MYO10: variants seen among roughly 807,000 people sequenced by gnomAD.
MYO10 encodes myosin X.
In MYO10, 133 loss-of-function variants were observed where a neutral mutation model predicts 257.3. The ratio of observed to expected loss-of-function variants is 0.52; its 90% CI spans 0.45 to 0.60. The LOEUF is 0.60. MYO10 is among the 20% of genes least tolerant of loss of function. The pLI, the probability that MYO10 is intolerant of heterozygous loss-of-function variation, is 0.00. For synonymous variants in MYO10, 1,104 were observed against 1,028.6 expected, an observed-to-expected ratio of 1.07 and a Z score of -1.40; for missense variants, 2,399 against 2,635.7, an observed-to-expected ratio of 0.91 and a Z score of 1.97.
chr5:16,836,372 C>G (rs1215345596), intron 2 of MYO10, among the ~76,000 whole-genome samples: 1 of 152,204 alleles, frequency 6.6e-6, no homozygotes, highest in African/African-American at 2.4e-5. Context: ...AATTTAACCC[C>G]TATTCCTACT....
In MYO10 at chr5:16,673,789, C is replaced by T; in HGVS notation, c.5065G>A (p.Asp1689Asn). 1 of 1,613,986 alleles carries T rather than the reference C, an allele frequency of 6.2e-7. No individual in the cohort carries two copies. Among genetic ancestry groups the T allele is most frequent in the Non-Finnish European group, 8.5e-7 (1 of 1,179,904 alleles). The stretch of plus-strand genomic sequence containing the variant: ...CTGTGGATCAGAGCTTCTATTTCAT[C>T]TCGGGAAGGCACAAACTCTCGGCAT... ...TKCREFVPSR[D>N]EIEALIHRQE... Residue 1689 changes from aspartate to asparagine, a missense_variant, in exon 36 of 41, where the codon GAT becomes AAT. Physicochemically the swap from Asp to Asn is conservative, Grantham distance 23. Around this residue, in one of 3 missense-constraint regions of MYO10, gnomAD observed 1,820 missense variants for 1,939.4 expected, o/e 0.94. Transcript: ENST00000513610.
chr5:16,721,760 C>CG (rs1739162592), intron 19 of MYO10, among the ~76,000 whole-genome samples: 1 of 152,140 alleles, frequency 6.6e-6, no homozygotes, highest in African/African-American at 2.4e-5. Flanking sequence ...GCGCTTACCT[C>CG]GGACCCACAC....
At chr5:16,923,158 CT>C (rs1435655223) in intron 1 of MYO10, among the ~76,000 whole-genome samples, 2 of 152,270 alleles carry the variant, frequency 1.3e-5, no homozygotes, top group East Asian at 1.9e-4. Flanking sequence ...CTAAATCCCC[CT>C]GGGTCACATC....
intron 1 of MYO10, among the ~76,000 whole-genome samples, chr5:16,925,072 C>G (rs891839814): frequency 2.6e-5 from 4 of 152,052 alleles, no homozygotes; most frequent in African/African-American, 9.7e-5. Context: ...ACCTCGTGAT[C>G]CGCCTGCCTC....
At chr5:16,737,821 A>G (rs1040176877) in intron 19 of MYO10, among the ~76,000 whole-genome samples, 2 of 152,176 alleles carry the variant, frequency 1.3e-5, no homozygotes, top group African/African-American at 4.8e-5. Flanking sequence ...CTAGAGCCCA[A>G]CAACAAAGAA....
In MYO10 at chr5:16,675,585, A is replaced by G. The variant is rs1176683181; in HGVS notation, c.4667-435T>C. ...AAACCCTGTCTCTATTAAAAATTCA[A>G]AAATTAGCTGGATGTGGTGGCGGGT... On this transcript the variant is annotated intron_variant, in intron 34 of 40. Transcript: ENST00000513610. Among the ~76,000 whole-genome samples the G allele has an allele frequency of 2.0e-5, 3 of 152,092 alleles. 1 individual carries two copies. Among genetic ancestry groups the G allele is most frequent in the Non-Finnish European group, 4.4e-5 (3 of 68,032 alleles).
At position 16,757,839 on chromosome 5, in the gene MYO10, A is replaced by AT. The variant is rs371881355; in HGVS notation, c.1848+278dup. ...GCCACCGCACCCAGATAATTTCTGT[A>AT]TTTTTTGTAGAGACAGGATTTCACC... On this transcript the variant is annotated intron_variant, in intron 18 of 40. Coordinates refer to ENST00000513610, the MANE Select transcript of MYO10 (RefSeq NM_012334.3). Among the ~76,000 whole-genome samples, 397 of 152,152 alleles carry AT rather than the reference A, an allele frequency of 2.6e-3. 1 individual carries two copies. Among genetic ancestry groups the AT allele is most frequent in the African/African-American group, 8.8e-3 (367 of 41,502 alleles).
chr5:16,718,371 T>C (rs1579898688), intron 19 of MYO10, among the ~76,000 whole-genome samples: 2 of 152,258 alleles, frequency 1.3e-5, no homozygotes, highest in African/African-American at 2.4e-5. Context: ...CAGCTCCACC[T>C]GCAGCCCTGG....
chr5:16,710,769 T>G, intron 21 of MYO10, 139 bp downstream of exon 21: 1 of 701,454 alleles, frequency 1.4e-6, no homozygotes, highest in Non-Finnish European at 2.4e-6. Flanking sequence ...CAAAAGGTTA[T>G]GGTAGGCATG....
intron 34 of MYO10, 132 bp from the exon 35 acceptor site, chr5:16,675,282 A>G (rs1339240344): frequency 1.2e-6 from 1 of 855,602 alleles, no homozygotes; most frequent in Non-Finnish European, 1.8e-6. Context: ...CTCCCTATAC[A>G]TCTCAATCAG....
intron 26 of MYO10, among the ~76,000 whole-genome samples, chr5:16,697,921 C>A (rs575472053): frequency 7.9e-5 from 12 of 152,126 alleles, no homozygotes; most frequent in Non-Finnish European, 1.3e-4. Flanking sequence ...TAGGTCCATG[C>A]GAGAAACAGG....
At position 16,855,919 on chromosome 5, in the gene MYO10, C is replaced by G. The variant is rs115945945; in HGVS notation, c.120+21690G>C. Among the ~76,000 whole-genome samples the G allele has an allele frequency of 5.0e-4, 76 of 152,312 alleles. 1 individual carries two copies. The highest frequency in any genetic ancestry group is 1.8e-3 in the African/African-American group (75 of 41,558). On this transcript the variant is annotated intron_variant, in intron 2 of 40. Coordinates refer to ENST00000513610, the MANE Select transcript of MYO10 (RefSeq NM_012334.3). ...CTACCTGTTACCCTCACTGGAAGAC[C>G]TACGCTATTATTAATTATCCCAAAA...
intron 19 of MYO10, among the ~76,000 whole-genome samples, chr5:16,717,809 T>G (rs979322315): frequency 9.2e-5 from 14 of 152,206 alleles, no homozygotes; most frequent in Non-Finnish European, 1.8e-4. Flanking sequence ...GAGCCCTCAC[T>G]TGCTCTCGGC....
intron 2 of MYO10, among the ~76,000 whole-genome samples, chr5:16,820,970 A>G (rs1329492691): frequency 6.8e-6 from 1 of 147,734 alleles, no homozygotes; most frequent in Non-Finnish European, 1.5e-5. Flanking sequence ...CATATAAAAC[A>G]TCTTATATAT....
At chr5:16,823,664 A>ATGG (rs1742908960) in intron 2 of MYO10, among the ~76,000 whole-genome samples, 1 of 149,910 alleles carries the variant, frequency 6.7e-6, no homozygotes, top group Non-Finnish European at 1.5e-5. Flanking sequence ...TAGTAGAGAC[A>ATGG]GGTTTCACCG....
At chr5:16,771,978 GAA>G (rs1177014666) in intron 9 of MYO10, among the ~76,000 whole-genome samples, 1 of 151,440 alleles carries the variant, frequency 6.6e-6, no homozygotes. Context: ...TTTCAATGCT[GAA>G]AATTTGTTTC....
intron 1 of MYO10, among the ~76,000 whole-genome samples, chr5:16,883,596 T>C (rs1744817176): frequency 6.6e-6 from 1 of 152,118 alleles, no homozygotes; most frequent in Admixed American, 6.5e-5. Context: ...TCTGGCCCAT[T>C]CATCACCTAT....
At chr5:16,730,629 G>A (rs973352540) in intron 19 of MYO10, among the ~76,000 whole-genome samples, 3 of 152,176 alleles carry the variant, frequency 2.0e-5, no homozygotes, top group South Asian at 2.1e-4. Context: ...GGGACATCAC[G>A]GGGCAGTGTC....
At chr5:16,837,295 A>C (rs763664163) in intron 2 of MYO10, among the ~76,000 whole-genome samples, 1 of 152,156 alleles carries the variant, frequency 6.6e-6, no homozygotes, top group Non-Finnish European at 1.5e-5. Flanking sequence ...AGGCAACAAG[A>C]GCAAAATTCC....
Sources: gnomAD v4.1 joint callset for allele counts (sites outside exome capture counted in the v4.1 genomes callset) on GRCh38, gnomAD v4.1.1 for gene constraint, gnomAD v4.1.1 regional missense constraint, MANE v1.5 for transcripts, NCBI Gene and HGNC (gene_info 2026-07-23, HGNC 2026-07-21) for gene names.